The following AGBL4 variants were observed in gnomAD, a reference collection of about 807,000 sequenced individuals.
AGBL4 encodes cytosolic carboxypeptidase 6.
Under a neutral mutation model 66.4 loss-of-function variants are expected in AGBL4, and 58 were observed. The ratio of observed to expected loss-of-function variants is 0.87; its 90% CI spans 0.71 to 1.09. The LOEUF (loss-of-function observed/expected upper bound fraction) is 1.09. Ranked by LOEUF, AGBL4 falls within the 50% of genes least tolerant of loss-of-function variation. The probability of loss-of-function intolerance (pLI) is 0.00; values close to 1 mark genes in which losing one functional copy is unlikely to be tolerated. For synonymous variants in AGBL4, 234 were observed against 222.9 expected (o/e 1.05, Z -0.44); for missense variants, 579 against 631.0 (o/e 0.92, Z 0.88).
intron 3 of AGBL4, among the ~76,000 whole-genome samples, chr1:49,465,210 T>TACACACACACACACACACACAC (rs3054630): frequency 8.6e-6 from 1 of 116,792 alleles, no homozygotes; most frequent in African/African-American, 3.3e-5. Context: ...TACCCCTACA[T>TACACACACACACACACACACAC]ACACACACAC....
At chr1:49,231,336 T>C (rs1570146142) in intron 4 of AGBL4, among the ~76,000 whole-genome samples, 1 of 152,198 alleles carries the variant, frequency 6.6e-6, no homozygotes, top group East Asian at 1.9e-4. Context: ...TTCAAAATTC[T>C]CTATAATAAT....
intron 3 of AGBL4, among the ~76,000 whole-genome samples, chr1:49,466,112 A>G (rs1383629713): frequency 2.0e-5 from 3 of 151,876 alleles, no homozygotes; most frequent in African/African-American, 7.2e-5. Flanking sequence ...TTGGATCAAT[A>G]GTGGCTTTCC....
intron 1 of AGBL4, among the ~76,000 whole-genome samples, chr1:50,012,831 G>C (rs1284054952): frequency 6.6e-6 from 1 of 152,064 alleles, no homozygotes; most frequent in Non-Finnish European, 1.5e-5. Context: ...TACTTTTTCA[G>C]GATCACATGT....
At chr1:49,781,539 A>G (rs1268252208) in intron 2 of AGBL4, among the ~76,000 whole-genome samples, 1 of 152,188 alleles carries the variant, frequency 6.6e-6, no homozygotes, top group East Asian at 1.9e-4. Flanking sequence ...GGACAATTCA[A>G]CAATCATATT....
chr1:48,846,035 T>C (rs368881491), intron 6 of AGBL4, among the ~76,000 whole-genome samples: 7 of 152,160 alleles, frequency 4.6e-5, no homozygotes, highest in African/African-American at 7.2e-5. Flanking sequence ...GGTACAGGTC[T>C]GACTTGTCCC....
At chr1:49,257,677 G>A (rs954615855) in intron 3 of AGBL4, among the ~76,000 whole-genome samples, 1 of 152,238 alleles carries the variant, frequency 6.6e-6, no homozygotes, top group Non-Finnish European at 1.5e-5. Flanking sequence ...TGCACCCACT[G>A]TCCTGCGCCC....
Position 49,202,269 on chromosome 1 carries a change from C to T in AGBL4, c.377+43501G>A, listed in dbSNP as rs528356427. On this transcript the variant is annotated intron_variant, in intron 4 of 13. Coordinates refer to ENST00000371839, the MANE Select transcript of AGBL4 (RefSeq NM_032785.4). The stretch of plus-strand genomic sequence containing the variant: ...TATTCCAGGAGCATTTCGCTATTTG[C>T]AATATATATATTTGCCCATATAGAA... 4.6e-5 allele frequency among the ~76,000 whole-genome samples: 7 copies of T among 152,088 alleles called. No individual in the cohort carries two copies. The East Asian group carries it at 1.2e-3, about 25-fold the overall frequency.
intron 4 of AGBL4, among the ~76,000 whole-genome samples, chr1:49,069,717 TC>T (rs1286698241): frequency 6.6e-6 from 1 of 151,970 alleles, no homozygotes; most frequent in Non-Finnish European, 1.5e-5. Flanking sequence ...CTATGTGGGC[TC>T]TTTTTTGGTT....
chr1:49,876,001 GTTGT>G (rs1163774836), intron 1 of AGBL4, among the ~76,000 whole-genome samples: 1 of 146,188 alleles, frequency 6.8e-6, no homozygotes, highest in African/African-American at 2.5e-5. Context: ...TTTTGATGGG[GTTGT>G]TTGTTTTTTC....
Position 48,630,420 on chromosome 1 carries a change from T to C in AGBL4, c.951+4073A>G, listed in dbSNP as rs319982. On this transcript the variant is annotated intron_variant, in intron 9 of 13. Transcript: ENST00000371839. ...TAAAGATGAATGCATCACTTGGCCC[T>C]GTACTAACTGTTCCTCCTGGGTTCC... Among the ~76,000 whole-genome samples the C allele has an allele frequency of 7.6e-3, 1,153 of 152,296 alleles. 11 individuals are homozygous for C. Among genetic ancestry groups the C allele is most frequent in the African/African-American group, 0.026 (1,098 of 41,546 alleles).
intron 6 of AGBL4, among the ~76,000 whole-genome samples, chr1:48,668,868 A>G (rs1646231531): frequency 6.6e-6 from 1 of 152,248 alleles, no homozygotes. Flanking sequence ...TTATGAGAAT[A>G]TATAGGTTTA....
chr1:49,438,673 G>T (rs1338033284), intron 3 of AGBL4, among the ~76,000 whole-genome samples: 2 of 152,142 alleles, frequency 1.3e-5, no homozygotes, highest in Non-Finnish European at 2.9e-5. Context: ...TTACAGAAGA[G>T]AGATGGAGAT....
chr1:49,405,590 T>C (rs1421621221), intron 3 of AGBL4, among the ~76,000 whole-genome samples: 1 of 152,192 alleles, frequency 6.6e-6, no homozygotes, highest in East Asian at 1.9e-4. Flanking sequence ...TCCAGCTTCC[T>C]AGAGGGCTTT....
intron 1 of AGBL4, among the ~76,000 whole-genome samples, chr1:50,014,114 T>C (rs545090559): frequency 1.3e-5 from 2 of 152,230 alleles, no homozygotes; most frequent in East Asian, 3.9e-4. Flanking sequence ...GGCTCACACA[T>C]GTAATCCCAA....
chr1:49,239,617 G>A (rs890844877), intron 4 of AGBL4, among the ~76,000 whole-genome samples: 12 of 151,964 alleles, frequency 7.9e-5, no homozygotes, highest in Admixed American at 2.6e-4. Flanking sequence ...AGCTGTTTCC[G>A]TGTTAAAATG....
intron 3 of AGBL4, among the ~76,000 whole-genome samples, chr1:49,396,256 G>C (rs977178393): frequency 6.6e-5 from 10 of 151,730 alleles, no homozygotes; most frequent in African/African-American, 2.4e-4. Flanking sequence ...ATAGATACTA[G>C]ATGCAGGGAA....
intron 3 of AGBL4, among the ~76,000 whole-genome samples, chr1:49,634,146 T>C (rs764899624): frequency 7.2e-5 from 11 of 152,110 alleles, no homozygotes; most frequent in Non-Finnish European, 1.6e-4. Flanking sequence ...ACAGGCGCCA[T>C]GGTGGTTTGC....
At position 48,549,898 on chromosome 1, in the gene AGBL4, A is replaced by AC. The variant is rs1466243385; in HGVS notation, c.1268-10161dup. Among the ~76,000 whole-genome samples the AC allele has an allele frequency of 7.2e-5, 11 of 152,294 alleles. No homozygotes were observed. The East Asian group carries it at 2.1e-3, about 29-fold the overall frequency. On this transcript the variant is annotated intron_variant, in intron 11 of 13. Transcript: ENST00000371839. Reference sequence around the variant, plus strand: ...AGAGAAGCACAGCCGCAGAGGACAGACTGTAAATGAGATGCATAAGACTGA... The same window carrying AC: ...AGAGAAGCACAGCCGCAGAGGACAGACCTGTAAATGAGATGCATAAGACTGA...
intron 4 of AGBL4, among the ~76,000 whole-genome samples, chr1:49,243,612 G>A (rs371503782): frequency 6.6e-6 from 1 of 151,664 alleles, no homozygotes; most frequent in Non-Finnish European, 1.5e-5. Flanking sequence ...TTCCCTTTTG[G>A]AACAGATCTT....
Sources: allele counts gnomAD v4.1 joint callset (sites outside exome capture counted in the v4.1 genomes callset), GRCh38; gene constraint gnomAD v4.1.1; transcripts MANE v1.5; gene names NCBI Gene and HGNC (gene_info 2026-07-23, HGNC 2026-07-21).